Variants in SLC8A3 observed in about 807,000 individuals in gnomAD.
The protein encoded by SLC8A3 is solute carrier family 8 member A3.
A neutral mutation model predicts 65.4 loss-of-function variants in SLC8A3; 37 were observed. That is an observed-to-expected ratio of 0.57 (90% confidence interval 0.44 to 0.74). The LOEUF (loss-of-function observed/expected upper bound fraction) is 0.74. SLC8A3 is among the 30% of genes least tolerant of loss of function. SLC8A3 has a pLI of 0.00. For synonymous variants in SLC8A3, 461 were observed against 444.5 expected (o/e 1.04, Z -0.47); for missense variants, 1,112 against 1,172.1 (o/e 0.95, Z 0.75).
At chr14:70,187,003 G>C (rs909812977) in intron 1 of SLC8A3, 1 of 152,242 alleles carries the variant, frequency 6.6e-6, no homozygotes, top group Non-Finnish European at 1.5e-5. Context: ...TCACCGGGTC[G>C]CCAGGGGCCG....
At chr14:70,160,454 A>T (rs1896817611) in intron 2 of SLC8A3, among the ~76,000 whole-genome samples, 2 of 152,160 alleles carry the variant, frequency 1.3e-5, no homozygotes, top group African/African-American at 4.8e-5. Context: ...AATAAAGTAT[A>T]TGGGAGAGAA....
intron 3 of SLC8A3, among the ~76,000 whole-genome samples, chr14:70,053,983 T>C (rs906438206): frequency 6.6e-6 from 1 of 152,250 alleles, no homozygotes; most frequent in Admixed American, 6.5e-5. Flanking sequence ...ACCATAGTGA[T>C]TCTGATATCT....
At chr14:70,063,024 A>T (rs1888995347) in intron 2 of SLC8A3, among the ~76,000 whole-genome samples, 1 of 152,200 alleles carries the variant, frequency 6.6e-6, no homozygotes, top group South Asian at 2.1e-4. Flanking sequence ...CATGGGATGT[A>T]TGGGGTCATT....
rs376212913 is a variant in SLC8A3, at chr14:70,066,897, G to A, written c.1785-5958C>T. ...CAGTAGCCTCCTAAGAGATTTTCCT[G>A]TTCCTGCCTTTGCCCTCTTTCTTCA... On this transcript the variant is annotated intron_variant, in intron 2 of 6. Transcript: ENST00000356921. Among the ~76,000 whole-genome samples the A allele has an allele frequency of 4.6e-5, 7 of 152,160 alleles. No homozygotes were observed. The East Asian group carries it at 5.8e-4, about 13-fold the overall frequency.
chr14:70,055,700 A>T (rs776456704), intron 3 of SLC8A3: 50 of 975,884 alleles, frequency 5.1e-5, no homozygotes, highest in Non-Finnish European at 7.1e-5. Flanking sequence ...TTGAGCCTGC[A>T]GTTCTTATTC....
In SLC8A3 at chr14:70,055,512, A is replaced by G. The variant is rs150796239; in HGVS notation, c.1889-3398T>C. On this transcript the variant is annotated intron_variant, in intron 3 of 6. Coordinates refer to ENST00000356921, the MANE Select transcript of SLC8A3 (RefSeq NM_182932.3). Reference sequence around the variant, plus strand: ...ACTCAGGAGAAGTCTATGACCCACCATCTCCTTGTTAAGCTTAATTTCTCT... The same window carrying G: ...ACTCAGGAGAAGTCTATGACCCACCGTCTCCTTGTTAAGCTTAATTTCTCT... 7.2e-5 allele frequency among the ~76,000 whole-genome samples: 11 copies of G among 152,260 alleles called. No individual in the cohort carries two copies. The East Asian group carries it at 7.7e-4, about 11-fold the overall frequency.
intron 2 of SLC8A3, among the ~76,000 whole-genome samples, chr14:70,122,427 G>A (rs754404633): frequency 6.6e-6 from 1 of 152,076 alleles, no homozygotes; most frequent in Non-Finnish European, 1.5e-5. Flanking sequence ...CAATGGGGAG[G>A]GCTCTGATGA....
At chr14:70,085,838 A>C (rs970262364) in intron 2 of SLC8A3, among the ~76,000 whole-genome samples, 17 of 152,220 alleles carry the variant, frequency 1.1e-4, no homozygotes, top group African/African-American at 4.1e-4. Flanking sequence ...TATATGTATT[A>C]ACTCATCAAA....
intron 1 of SLC8A3, among the ~76,000 whole-genome samples, chr14:70,186,683 G>A (rs989060005): frequency 6.6e-6 from 1 of 152,148 alleles, no homozygotes; most frequent in Non-Finnish European, 1.5e-5. Context: ...GCTGGGCATT[G>A]TAGATTGCAA....
At chr14:70,063,657 G>A (rs970190529) in intron 2 of SLC8A3, among the ~76,000 whole-genome samples, 2 of 152,186 alleles carry the variant, frequency 1.3e-5, no homozygotes, top group African/African-American at 4.8e-5. Flanking sequence ...GGACAGAGGA[G>A]AGGGAGGAGT....
At chr14:70,187,709 C>A (rs1220039284) in intron 1 of SLC8A3, among the ~76,000 whole-genome samples, 2 of 151,744 alleles carry the variant, frequency 1.3e-5, no homozygotes, top group African/African-American at 4.8e-5. Flanking sequence ...TCCACCGAGT[C>A]CCGGATCACG....
chr14:70,170,019 G>A (rs1289026480), intron 1 of SLC8A3, among the ~76,000 whole-genome samples: 3 of 152,008 alleles, frequency 2.0e-5, no homozygotes, highest in Non-Finnish European at 4.4e-5. Flanking sequence ...ATCTACTTCA[G>A]TAGCCTCCTA....
At chr14:70,137,566 A>C (rs1895288006) in intron 2 of SLC8A3, among the ~76,000 whole-genome samples, 1 of 152,230 alleles carries the variant, frequency 6.6e-6, no homozygotes, top group South Asian at 2.1e-4. Context: ...ATTTGTGAAA[A>C]TTCAGCACTG....
intron 5 of SLC8A3, among the ~76,000 whole-genome samples, chr14:70,050,711 T>C (rs181478797): frequency 1.3e-5 from 2 of 152,340 alleles, no homozygotes; most frequent in African/African-American, 4.8e-5. Flanking sequence ...TACAAGACTC[T>C]GTACCTTTCT....
intron 2 of SLC8A3, among the ~76,000 whole-genome samples, chr14:70,124,343 A>T (rs1168265066): frequency 6.6e-6 from 1 of 152,168 alleles, no homozygotes; most frequent in East Asian, 1.9e-4. Flanking sequence ...TCCCTCACTC[A>T]GTCGCCAAAC....
At chr14:70,132,319 G>T (rs369831569) in intron 2 of SLC8A3, among the ~76,000 whole-genome samples, 1 of 152,210 alleles carries the variant, frequency 6.6e-6, no homozygotes, top group African/African-American at 2.4e-5. Context: ...CCATCCCTTT[G>T]CACTCTTTTA....
chr14:70,147,925 C>T (rs1447757747), intron 2 of SLC8A3, among the ~76,000 whole-genome samples: 1 of 152,326 alleles, frequency 6.6e-6, no homozygotes, highest in Admixed American at 6.5e-5. Flanking sequence ...AACACAGGTC[C>T]ACCTGCCTCC....
chr14:70,176,175 C>T (rs1897899237), intron 1 of SLC8A3, among the ~76,000 whole-genome samples: 1 of 152,220 alleles, frequency 6.6e-6, no homozygotes, highest in African/African-American at 2.4e-5. Context: ...TCTCCAAATC[C>T]TTGACAGATC....
intron 2 of SLC8A3, among the ~76,000 whole-genome samples, chr14:70,084,610 A>G (rs779899953): frequency 6.6e-6 from 1 of 152,180 alleles, no homozygotes; most frequent in East Asian, 1.9e-4. Context: ...TCTCTCTCCA[A>G]TGCTCAATGT....
Sources: gnomAD v4.1 joint callset for allele counts (sites outside exome capture counted in the v4.1 genomes callset) on GRCh38, gnomAD v4.1.1 for gene constraint, MANE v1.5 for transcripts, NCBI Gene and HGNC (gene_info 2026-07-23, HGNC 2026-07-21) for gene names.